Variants in EIF4A3 observed in about 807,000 individuals in gnomAD.
The protein encoded by EIF4A3 is eukaryotic initiation factor 4A-III.
Under a neutral mutation model 55.6 loss-of-function variants are expected in EIF4A3, and 1 was observed. The ratio of observed to expected loss-of-function variants is 0.02; its 90% confidence interval spans 0.01 to 0.09. The LOEUF is 0.09. Ranked by LOEUF, EIF4A3 falls within the 10% of genes least tolerant of loss-of-function variation. EIF4A3 has a pLI of 1.00. For missense variants in EIF4A3, 221 were observed against 540.7 expected (o/e 0.41, Z 5.86); for synonymous variants, 194 against 196.3 (o/e 0.99, Z 0.10).
intron 7 of EIF4A3, 140 bp from the exon 8 acceptor site, chr17:80,138,420 G>A: frequency 1.1e-6 from 1 of 946,580 alleles, no homozygotes; most frequent in Non-Finnish European, 1.6e-6. Flanking sequence ...CCCCAGCCCT[G>A]TCCTCCATCC....
Position 80,134,388 on chromosome 17 carries a change from T to C in EIF4A3, c.*1102A>G, listed in dbSNP as rs2039552938. Among the ~76,000 whole-genome samples the C allele has an allele frequency of 6.6e-6, 1 of 152,058 alleles. No homozygotes were observed. Among genetic ancestry groups the C allele is most frequent in the African/African-American group, 2.4e-5 (1 of 41,316 alleles). ...TAAATATTTCAACAGATAACTTAAA[T>C]ACTTTAATAATTTAAATATTTAAAC... On this transcript the variant is annotated 3_prime_UTR_variant, in exon 12 of 12. Transcript: ENST00000649764.
chr17:80,139,317 G>T, intron 6 of EIF4A3, 155 bp from the exon 7 acceptor site: 1 of 988,436 alleles, frequency 1.0e-6, no homozygotes, highest in Non-Finnish European at 1.5e-6. Context: ...CCACATCCAC[G>T]CGTTCTCTCC....
intron 4 of EIF4A3, chr17:80,140,366 G>GGCA: frequency 2.5e-6 from 1 of 404,760 alleles, no homozygotes; most frequent in East Asian, 5.1e-5. Flanking sequence ...CATGCTGGGG[G>GGCA]GCAGCAGCGC....
At chr17:80,142,180 C>G (rs1273254009) in intron 2 of EIF4A3, among the ~76,000 whole-genome samples, 1 of 152,148 alleles carries the variant, frequency 6.6e-6, no homozygotes, top group Non-Finnish European at 1.5e-5. Flanking sequence ...GACTAACTCT[C>G]TCTTCCAAAG....
intron 2 of EIF4A3, 53 bp from the exon 3 acceptor site, chr17:80,141,901 A>G: frequency 1.3e-6 from 2 of 1,492,130 alleles, no homozygotes. Flanking sequence ...GCCACGCCAC[A>G]GCTGCACTCC....
intron 1 of EIF4A3, among the ~76,000 whole-genome samples, chr17:80,145,635 G>A (rs539336108): frequency 4.0e-4 from 61 of 152,232 alleles, no homozygotes; most frequent in Non-Finnish European, 8.1e-4. Context: ...TTAAACACAG[G>A]CCATTTATCC....
chr17:80,139,414 G>A, intron 6 of EIF4A3: 1 of 627,182 alleles, frequency 1.6e-6, no homozygotes, highest in South Asian at 2.2e-5. Context: ...GTGATCTAGG[G>A]ATCAAGAAAC....
At chr17:80,140,167 A>G (rs2039605621) in intron 4 of EIF4A3, 27 bp from the exon 5 acceptor site, 2 of 1,519,826 alleles carry the variant, frequency 1.3e-6, no homozygotes, top group South Asian at 1.2e-5. Context: ...GTTCACGTCC[A>G]GGGTGGGAGA....
intron 2 of EIF4A3, among the ~76,000 whole-genome samples, chr17:80,142,422 A>G (rs951303089): frequency 6.6e-6 from 1 of 152,092 alleles, no homozygotes; most frequent in Admixed American, 6.6e-5. Flanking sequence ...GCAGGGCTCT[A>G]ATCTTCCCTG....
Sources: gnomAD v4.1 joint callset for allele counts (sites outside exome capture counted in the v4.1 genomes callset) on GRCh38, gnomAD v4.1.1 for gene constraint, MANE v1.5 for transcripts, NCBI Gene and HGNC (gene_info 2026-07-23, HGNC 2026-07-21) for gene names.